The following ACSS3 variants were observed in gnomAD, a reference collection of about 807,000 sequenced individuals.
ACSS3 encodes acyl-CoA synthetase short-chain family member 3, mitochondrial.
ACSS3 carries 64 observed loss-of-function variants against 84.2 expected under a neutral mutation model. That is an observed-to-expected ratio of 0.76 (90% CI 0.62 to 0.94). The LOEUF (loss-of-function observed/expected upper bound fraction) is 0.94. Ranked by LOEUF, ACSS3 falls within the 40% of genes least tolerant of loss-of-function variation. ACSS3 has a pLI of 0.00. For synonymous variants in ACSS3, 317 were observed against 310.1 expected, an observed-to-expected ratio of 1.02 and a Z score of -0.23; for missense variants, 815 against 867.6, an observed-to-expected ratio of 0.94 and a Z score of 0.76.
chr12:81,101,876 A>T (rs1035634347), intron 1 of ACSS3, among the ~76,000 whole-genome samples: 4 of 151,876 alleles, frequency 2.6e-5, no homozygotes, highest in African/African-American at 9.7e-5. Flanking sequence ...TTTTGTTTTC[A>T]TCAGTGGATA....
chr12:81,180,672 C>A (rs558434055), intron 8 of ACSS3, among the ~76,000 whole-genome samples: 1 of 152,164 alleles, frequency 6.6e-6, no homozygotes, highest in Admixed American at 6.5e-5. Flanking sequence ...CCTGCCACCA[C>A]GCCTGGCTAA....
intron 2 of ACSS3, among the ~76,000 whole-genome samples, chr12:81,121,567 G>A (rs1884606507): frequency 6.6e-6 from 1 of 151,842 alleles, no homozygotes; most frequent in African/African-American, 2.4e-5. Flanking sequence ...TTACAGCTTA[G>A]TACATAAATA....
chr12:81,136,894 A>G (rs1885831655), intron 3 of ACSS3, among the ~76,000 whole-genome samples: 1 of 151,200 alleles, frequency 6.6e-6, no homozygotes, highest in Non-Finnish European at 1.5e-5. Flanking sequence ...TATGAAGGGG[A>G]AAAAGGACTC....
intron 2 of ACSS3, among the ~76,000 whole-genome samples, chr12:81,111,837 A>G (rs2121514283): frequency 6.6e-6 from 1 of 152,284 alleles, no homozygotes; most frequent in Admixed American, 6.5e-5. Context: ...GGAACTGGGG[A>G]CCTGTCTCCC....
intron 9 of ACSS3, among the ~76,000 whole-genome samples, chr12:81,211,702 C>T (rs1187455756): frequency 1.3e-5 from 2 of 152,134 alleles, no homozygotes; most frequent in African/African-American, 4.8e-5. Context: ...GGACATAGAA[C>T]CTGAATGGTG....
At chr12:81,179,453 G>C (rs1275968475) in intron 8 of ACSS3, among the ~76,000 whole-genome samples, 1 of 151,840 alleles carries the variant, frequency 6.6e-6, no homozygotes, top group African/African-American at 2.4e-5. Flanking sequence ...CTAATATCTG[G>C]AATATATAAG....
chr12:81,087,909 G>A (rs1452479009), intron 1 of ACSS3, among the ~76,000 whole-genome samples: 2 of 152,056 alleles, frequency 1.3e-5, no homozygotes, highest in Admixed American at 1.3e-4. Context: ...CAAAATCTTG[G>A]CTCTACTCTT....
chr12:81,259,838 C>A lies in ACSS3; in HGVS notation c.*4916C>A. The A allele has an allele frequency of 2.2e-6, 1 of 449,286 alleles. No individual in the cohort carries two copies. The highest frequency in any genetic ancestry group is 3.9e-6 in the Non-Finnish European group (1 of 258,012). The allele number at this position is 449,286 out of a possible 1,614,324, so 27.8% of individuals were successfully genotyped here. ...TATGTAATTAACATTTGCTTTTCTC[C>A]AATTTGGTGCAGGGGAGCTTAACAA... is the stretch of plus-strand genomic sequence containing the variant. On this transcript the variant is annotated 3_prime_UTR_variant, in exon 16 of 16. Transcript: ENST00000548058.
rs199945876 is a variant in ACSS3, at chr12:81,251,493, T to A, written c.1720-1814T>A. Among the ~76,000 whole-genome samples, 5 of 152,006 alleles carry A rather than the reference T, an allele frequency of 3.3e-5. No individual in the cohort carries two copies. The East Asian group carries it at 9.7e-4, about 29-fold the overall frequency. On this transcript the variant is annotated intron_variant, in intron 13 of 15. Transcript: ENST00000548058. ...TGTAGTGGTAAGATGTATATGAGAATCCTACTTTCTTAGTTGATATTGCTA... is the reference window on the plus strand; with the variant it reads ...TGTAGTGGTAAGATGTATATGAGAAACCTACTTTCTTAGTTGATATTGCTA...
At chr12:81,117,658 G>C (rs1202292541) in intron 2 of ACSS3, among the ~76,000 whole-genome samples, 1 of 152,154 alleles carries the variant, frequency 6.6e-6, no homozygotes. Flanking sequence ...GGTCAAGACT[G>C]TATCTAATTC....
intron 9 of ACSS3, among the ~76,000 whole-genome samples, chr12:81,204,601 A>T (rs1022883641): frequency 1.3e-5 from 2 of 152,154 alleles, no homozygotes; most frequent in African/African-American, 4.8e-5. Flanking sequence ...CATGACAGCT[A>T]CAAAGATAGA....
At chr12:81,115,475 T>G (rs373280882) in intron 2 of ACSS3, among the ~76,000 whole-genome samples, 23 of 152,212 alleles carry the variant, frequency 1.5e-4, no homozygotes, top group African/African-American at 5.5e-4. Context: ...TTTGTTTTAT[T>G]TTAAGTTTGC....
intron 9 of ACSS3, among the ~76,000 whole-genome samples, chr12:81,200,530 T>C (rs1273472406): frequency 6.6e-6 from 1 of 152,248 alleles, no homozygotes; most frequent in Non-Finnish European, 1.5e-5. Flanking sequence ...TGTTTGATAC[T>C]TCAGAAGTTT....
rs1283118705 is a variant in ACSS3, at chr12:81,258,175, A to C, written c.*3253A>C. 1.3e-5 allele frequency: 2 copies of C among 152,162 alleles called. No homozygotes were observed. Among genetic ancestry groups the C allele is most frequent in the African/African-American group, 2.4e-5 (1 of 41,460 alleles). 9.4% of individuals were successfully genotyped at this position (152,162 alleles called of 1,614,324 possible). A position where few individuals can be genotyped will look rare whatever the true frequency, so the allele number is the denominator to read the frequency against. On this transcript the variant is annotated 3_prime_UTR_variant, in exon 16 of 16. Transcript: ENST00000548058. The stretch of plus-strand genomic sequence containing the variant: ...GTGGCAGACTCAATTTTGAAGCTAA[A>C]TATTTGGGTCACCCAAAGAACACAT...
At chr12:81,162,913 A>G (rs904625887) in intron 7 of ACSS3, among the ~76,000 whole-genome samples, 7 of 152,128 alleles carry the variant, frequency 4.6e-5, no homozygotes, top group Non-Finnish European at 7.4e-5. Context: ...ATGAAATCAG[A>G]GCAGGCACCA....
At chr12:81,082,557 C>A (rs1200618659) in intron 1 of ACSS3, among the ~76,000 whole-genome samples, 1 of 152,042 alleles carries the variant, frequency 6.6e-6, no homozygotes, top group African/African-American at 2.4e-5. Context: ...TAGTAAGTTC[C>A]AGAAACTTAA....
intron 2 of ACSS3, among the ~76,000 whole-genome samples, chr12:81,119,600 T>C (rs983287849): frequency 6.6e-6 from 1 of 152,092 alleles, no homozygotes; most frequent in Non-Finnish European, 1.5e-5. Flanking sequence ...TAATTATTAA[T>C]ATTCCTTGCT....
chr12:81,201,258 A>T (rs7953096), intron 9 of ACSS3, among the ~76,000 whole-genome samples: 97,090 of 152,016 alleles, frequency 0.64, 32,413 homozygotes, highest in Non-Finnish European at 0.75. Context: ...CATGAACTAG[A>T]AAATGTTTTG....
intron 5 of ACSS3, among the ~76,000 whole-genome samples, chr12:81,148,674 A>C (rs1886457637): frequency 6.6e-6 from 1 of 152,074 alleles, no homozygotes; most frequent in African/African-American, 2.4e-5. Flanking sequence ...TGATCCTACC[A>C]AAAGATCGGA....
Sources: allele counts gnomAD v4.1 joint callset (sites outside exome capture counted in the v4.1 genomes callset), GRCh38; gene constraint gnomAD v4.1.1; transcripts MANE v1.5; gene names NCBI Gene and HGNC (gene_info 2026-07-23, HGNC 2026-07-21).